Variants in ACOT11 observed in about 807,000 individuals in gnomAD.
The protein encoded by ACOT11 is acyl-coenzyme A thioesterase 11.
Under a neutral mutation model 77.5 loss-of-function variants are expected in ACOT11, and 69 were observed. That is an observed-to-expected ratio of 0.89 (90% CI 0.73 to 1.09). ACOT11 has a LOEUF of 1.09. Ranked by LOEUF, ACOT11 falls within the 50% of genes least tolerant of loss-of-function variation. The probability of loss-of-function intolerance (pLI) is 0.00; values close to 1 mark genes in which losing one functional copy is unlikely to be tolerated. For synonymous variants in ACOT11, 279 were observed against 313.0 expected (o/e 0.89, Z 1.15); for missense variants, 766 against 813.7 (o/e 0.94, Z 0.71).
intron 15 of ACOT11, chr1:54,623,611 G>C: frequency 1.9e-6 from 1 of 526,062 alleles, no homozygotes; most frequent in South Asian, 2.6e-5. Context: ...ACCCTCCCAG[G>C]ATCTTAACAG....
chr1:54,623,366 A>G (rs1644250125), intron 15 of ACOT11: 8 of 1,613,794 alleles, frequency 5.0e-6, no homozygotes, highest in Non-Finnish European at 6.8e-6. Context: ...ACTTGACCTG[A>G]TTCTTTGATA....
rs763437918 is a variant in ACOT11 at position 54,609,896 on chromosome 1, A to T, written c.*784A>T. On this transcript the variant is annotated 3_prime_UTR_variant, in exon 16 of 16. Coordinates refer to ENST00000343744, the MANE Select transcript of ACOT11 (RefSeq NM_147161.4). ...AACAATGGGCACGGGGTTTTCAGCC[A>T]CAGTTCCCTCGAGGCCAGTGTTCAG... 8.1e-6 allele frequency: 13 copies of T among 1,611,988 alleles called. No individual in the cohort carries two copies. The South Asian group carries it at 1.4e-4, about 18-fold the overall frequency.
chr1:54,570,380 A>G (rs1653890451), intron 1 of ACOT11, among the ~76,000 whole-genome samples: 1 of 152,240 alleles, frequency 6.6e-6, no homozygotes, highest in African/African-American at 2.4e-5. Flanking sequence ...TGCCATTGTC[A>G]TAGCCCAGGG....
chr1:54,574,604 G>T (rs547479857), intron 1 of ACOT11, among the ~76,000 whole-genome samples: 2 of 152,154 alleles, frequency 1.3e-5, no homozygotes, highest in Non-Finnish European at 2.9e-5. Flanking sequence ...ACCGGTCTGT[G>T]GGGGGTGCTC....
intron 1 of ACOT11, among the ~76,000 whole-genome samples, chr1:54,572,791 G>A (rs1464383036): frequency 6.6e-6 from 1 of 152,200 alleles, no homozygotes; most frequent in Non-Finnish European, 1.5e-5. Context: ...CCCTTGGAAG[G>A]GAGTGAGCCC....
intron 15 of ACOT11, among the ~76,000 whole-genome samples, chr1:54,627,725 C>G (rs1438269327): frequency 2.2e-5 from 3 of 134,650 alleles, no homozygotes; most frequent in African/African-American, 7.6e-5. Context: ...GGAGAAGACA[C>G]AGGTTAGAAA....
intron 1 of ACOT11, among the ~76,000 whole-genome samples, chr1:54,560,956 T>C (rs1305629125): frequency 6.6e-6 from 1 of 152,050 alleles, no homozygotes; most frequent in Non-Finnish European, 1.5e-5. Context: ...CTCCTGACCT[T>C]AGGCAATCTG....
intron 3 of ACOT11, among the ~76,000 whole-genome samples, chr1:54,588,294 T>C (rs1385874758): frequency 6.6e-6 from 1 of 152,222 alleles, no homozygotes; most frequent in Non-Finnish European, 1.5e-5. Context: ...CTTACATTTG[T>C]AGGGTACCTT....
At position 54,629,375 on chromosome 1, in the gene ACOT11, C is replaced by T. The variant is rs559516130; in HGVS notation, c.1630-1359C>T. On this transcript the variant is annotated intron_variant, in intron 15 of 16. Transcript: ENST00000371316. ...GATCTCGGCTCACTGCAACCTCTGC[C>T]TCCCGGGTTCAAGTGATTCTCCTGC... 1.5e-5 allele frequency among the ~76,000 whole-genome samples: 2 copies of T among 131,890 alleles called. 1 individual carries two copies. The highest frequency in any genetic ancestry group is 5.2e-4 in the South Asian group (2 of 3,874). The allele number at this position is 131,890 out of a possible 152,430, so 86.5% of individuals were successfully genotyped here.
chr1:54,623,687 T>C lies in ACOT11; in HGVS notation c.1630-7047T>C, dbSNP rs1388867991. On this transcript the variant is annotated intron_variant, in intron 15 of 16. Transcript: ENST00000371316. Reference sequence around the variant, plus strand: ...CACAGTAAGAGGCAGCAGAGAATGTTGGACCGAGCCCCGACCCCTGGCTGT... The same window carrying C: ...CACAGTAAGAGGCAGCAGAGAATGTCGGACCGAGCCCCGACCCCTGGCTGT... 3.2e-5 allele frequency: 9 copies of C among 279,112 alleles called. No homozygotes were observed. The Admixed American group carries it at 4.4e-4, about 13-fold the overall frequency. 17.3% of individuals were successfully genotyped at this position (279,112 alleles called of 1,614,324 possible).
intron 15 of ACOT11, chr1:54,620,099 C>A: frequency 7.3e-7 from 1 of 1,374,748 alleles, no homozygotes; most frequent in Non-Finnish European, 1.0e-6. Flanking sequence ...TGGGCTCCCA[C>A]TGTGTCCAGT....
intron 4 of ACOT11, 111 bp from the exon 5 acceptor site, chr1:54,593,830 C>A: frequency 1.1e-6 from 1 of 886,088 alleles, no homozygotes; most frequent in Non-Finnish European, 1.8e-6. Context: ...GGTGCAGAAA[C>A]TCTGGAGGCC....
chr1:54,575,211 G>A (rs559241607), intron 1 of ACOT11, among the ~76,000 whole-genome samples: 1 of 152,146 alleles, frequency 6.6e-6, no homozygotes, highest in East Asian at 1.9e-4. Context: ...CTCTGAGTGC[G>A]GGATCCCTAT....
exon 17 of ACOT11, chr1:54,638,813 G>A (rs1189767802): frequency 6.6e-6 from 1 of 152,170 alleles, no homozygotes; most frequent in Non-Finnish European, 1.5e-5. Flanking sequence ...ACTGTGCTCA[G>A]CCCATTTTTT....
intron 16 of ACOT11, among the ~76,000 whole-genome samples, chr1:54,631,272 C>G (rs1644298359): frequency 6.6e-6 from 1 of 152,124 alleles, no homozygotes; most frequent in African/African-American, 2.4e-5. Context: ...CTTGGCAGTT[C>G]CCTGTTAGAA....
chr1:54,572,685 G>T (rs1209302783), intron 1 of ACOT11, among the ~76,000 whole-genome samples: 1 of 152,206 alleles, frequency 6.6e-6, no homozygotes, highest in Non-Finnish European at 1.5e-5. Flanking sequence ...AGGGTGGGAG[G>T]TGGCAAATAG....
chr1:54,613,755 T>G (rs1232795007), downstream of ACOT11, among the ~76,000 whole-genome samples: 2 of 152,206 alleles, frequency 1.3e-5, no homozygotes, highest in Non-Finnish European at 2.9e-5. Flanking sequence ...CAGGTCATAT[T>G]TATCTTGGGC....
At chr1:54,549,641 G>A (rs1021544653) in intron 1 of ACOT11, among the ~76,000 whole-genome samples, 4 of 152,180 alleles carry the variant, frequency 2.6e-5, no homozygotes, top group African/African-American at 9.7e-5. Flanking sequence ...TGCTAGACTG[G>A]CACATACATC....
intron 1 of ACOT11, among the ~76,000 whole-genome samples, chr1:54,571,071 C>CTCT (rs779276330): frequency 4.2e-5 from 6 of 141,846 alleles, no homozygotes; most frequent in African/African-American, 1.6e-4. Flanking sequence ...TTCTCTCTCT[C>CTCT]TTTTTTTTTT....
Sources: allele counts gnomAD v4.1 joint callset (sites outside exome capture counted in the v4.1 genomes callset), GRCh38; gene constraint gnomAD v4.1.1; transcripts MANE v1.5; gene names NCBI Gene and HGNC (gene_info 2026-07-23, HGNC 2026-07-21).